The following UBE2Q2 variants were observed in gnomAD, a reference collection of about 807,000 sequenced individuals.
UBE2Q2 encodes ubiquitin conjugating enzyme E2 Q2.
A neutral mutation model predicts 59.9 loss-of-function variants in UBE2Q2; 54 were observed. The ratio of observed to expected loss-of-function variants is 0.90; its 90% CI spans 0.72 to 1.13. The LOEUF (loss-of-function observed/expected upper bound fraction) is 1.13, where lower values mean the gene tolerates loss of function less well. UBE2Q2 is among the 50% of genes most tolerant of loss of function. The probability of loss-of-function intolerance (pLI) is 0.00; values close to 1 mark genes in which losing one functional copy is unlikely to be tolerated. For synonymous variants in UBE2Q2, 165 were observed against 155.2 expected, an observed-to-expected ratio of 1.06 and a Z score of -0.47; for missense variants, 433 against 441.9, an observed-to-expected ratio of 0.98 and a Z score of 0.18.
At position 75,873,416 on chromosome 15, in the gene UBE2Q2, G is replaced by T. The variant is rs368980638; in HGVS notation, c.448-12G>T. 9.6e-6 allele frequency: 15 copies of T among 1,565,760 alleles called. No homozygotes were observed. The highest frequency in any genetic ancestry group is 6.9e-5 in the African/African-American group (5 of 72,092). ...TAGGTTGAATAAGCTAACATTTTTC[G>T]TCTCTTTGTAGGATATAGAAGACTT... On this transcript the variant is annotated splice_polypyrimidine_tract_variant and intron_variant, in intron 4 of 12. Transcript: ENST00000267938.
intron 3 of UBE2Q2, among the ~76,000 whole-genome samples, chr15:75,867,821 T>C (rs1301754944): frequency 6.6e-6 from 1 of 152,162 alleles, no homozygotes; most frequent in Non-Finnish European, 1.5e-5. Flanking sequence ...CCAAACTCTT[T>C]GGGAGTTTTA....
chr15:75,855,179 A>G (rs1453492455), intron 2 of UBE2Q2, among the ~76,000 whole-genome samples: 1 of 152,172 alleles, frequency 6.6e-6, no homozygotes, highest in Non-Finnish European at 1.5e-5. Flanking sequence ...TGGTCTATAT[A>G]GTTTTACATC....
chr15:75,899,688 T>C lies in UBE2Q2; in HGVS notation c.*230T>C. On this transcript the variant is annotated 3_prime_UTR_variant, in exon 13 of 13. Transcript: ENST00000267938. Reference sequence around the variant, plus strand: ...GGGGCCTTTACTGTATTTTTCCTGATAAATACACATACTGGCCACTCCTTA... The same window carrying C: ...GGGGCCTTTACTGTATTTTTCCTGACAAATACACATACTGGCCACTCCTTA... 3.3e-6 allele frequency: 1 copy of C among 299,516 alleles called. No homozygotes were observed. The highest frequency in any genetic ancestry group is 6.2e-6 in the Non-Finnish European group (1 of 162,230). The allele number at this position is 299,516 out of a possible 1,614,324, so 18.6% of individuals were successfully genotyped here.
intron 1 of UBE2Q2, chr15:75,844,330 T>A: frequency 6.5e-7 from 1 of 1,549,750 alleles, no homozygotes; most frequent in Non-Finnish European, 8.7e-7. Context: ...TGTTTTTAAG[T>A]TTGCGTTTAA....
At position 75,880,597 on chromosome 15, in the gene UBE2Q2, G is replaced by A. The variant is rs960950393; in HGVS notation, c.825+1409G>A. On this transcript the variant is annotated intron_variant, in intron 8 of 12. Coordinates refer to ENST00000267938, the MANE Select transcript of UBE2Q2 (RefSeq NM_173469.4). The stretch of plus-strand genomic sequence containing the variant: ...GCTCACTGCAACCTCTGCCTCCCGG[G>A]TTTAAGCAGTTCTCTGCCCCAGCCC... Among the ~76,000 whole-genome samples the A allele has an allele frequency of 2.0e-5, 3 of 152,078 alleles. No individual in the cohort carries two copies. In the South Asian group the frequency reaches 6.2e-4, roughly 32 times the overall value.
At chr15:75,856,269 G>GTGTGTGTGTATATATA (rs1256142539) in intron 2 of UBE2Q2, among the ~76,000 whole-genome samples, 46 of 139,282 alleles carry the variant, frequency 3.3e-4, no homozygotes, top group African/African-American at 1.2e-3. Context: ...GTGTGTGTGT[G>GTGTGTGTGTATATATA]TATATATATA....
At chr15:75,848,450 A>T (rs1896469318) in intron 1 of UBE2Q2, among the ~76,000 whole-genome samples, 1 of 152,252 alleles carries the variant, frequency 6.6e-6, no homozygotes, top group Non-Finnish European at 1.5e-5. Context: ...TGGAAATATC[A>T]GAACTGTCAT....
intron 1 of UBE2Q2, among the ~76,000 whole-genome samples, chr15:75,849,684 G>A (rs1896537567): frequency 6.6e-6 from 1 of 152,130 alleles, no homozygotes; most frequent in African/African-American, 2.4e-5. Flanking sequence ...GTTTATGGTA[G>A]CTTCACAGAC....
At chr15:75,858,777 G>A (rs977234265) in intron 2 of UBE2Q2, among the ~76,000 whole-genome samples, 21 of 152,186 alleles carry the variant, frequency 1.4e-4, no homozygotes, top group Admixed American at 1.2e-3. Flanking sequence ...CACTTAGCAC[G>A]CAATAGAGTG....
chr15:75,857,798 G>C (rs779743732), intron 2 of UBE2Q2, among the ~76,000 whole-genome samples: 4 of 149,964 alleles, frequency 2.7e-5, no homozygotes, highest in Non-Finnish European at 5.9e-5. Context: ...ATAAGAGCAT[G>C]TGCAGATTTC....
At chr15:75,856,243 A>G (rs1305941247) in intron 2 of UBE2Q2, among the ~76,000 whole-genome samples, 1 of 117,938 alleles carries the variant, frequency 8.5e-6, no homozygotes, top group African/African-American at 4.2e-5. Flanking sequence ...ATATGTGTAT[A>G]TACGTGTGTG....
At chr15:75,865,466 A>T (rs1312762744) in intron 3 of UBE2Q2, among the ~76,000 whole-genome samples, 1 of 152,198 alleles carries the variant, frequency 6.6e-6, no homozygotes, top group Non-Finnish European at 1.5e-5. Flanking sequence ...GGAACAGCGA[A>T]TGCTGCTGTG....
chr15:75,867,693 T>C (rs538006044), intron 3 of UBE2Q2, among the ~76,000 whole-genome samples: 1 of 152,338 alleles, frequency 6.6e-6, no homozygotes, highest in South Asian at 2.1e-4. Context: ...GTAACTGGGC[T>C]GATGGTGACA....
intron 4 of UBE2Q2, 102 bp from the exon 5 acceptor site, chr15:75,873,326 T>G: frequency 8.3e-7 from 1 of 1,201,716 alleles, no homozygotes; most frequent in Non-Finnish European, 1.2e-6. Flanking sequence ...ATTTTGTTTC[T>G]TGTTCCTCAT....
At chr15:75,858,928 C>A (rs1017418987) in intron 2 of UBE2Q2, among the ~76,000 whole-genome samples, 1 of 152,198 alleles carries the variant, frequency 6.6e-6, no homozygotes, top group African/African-American at 2.4e-5. Flanking sequence ...TTCTTTGCTT[C>A]GTTAACCCAT....
chr15:75,897,697 T>C (rs763838844), intron 12 of UBE2Q2, among the ~76,000 whole-genome samples: 21 of 151,814 alleles, frequency 1.4e-4, no homozygotes, highest in Non-Finnish European at 2.8e-4. Context: ...GGAGTTCTTG[T>C]TGTTATAACT....
intron 9 of UBE2Q2, 126 bp downstream of exon 9, chr15:75,883,550 C>T (rs2141649358): frequency 3.1e-6 from 2 of 646,562 alleles, no homozygotes; most frequent in South Asian, 1.9e-5. Flanking sequence ...GATCCTCCCA[C>T]CTTGGCCTCC....
intron 3 of UBE2Q2, among the ~76,000 whole-genome samples, chr15:75,865,587 A>C (rs898502292): frequency 1.1e-4 from 17 of 152,184 alleles, no homozygotes; most frequent in African/African-American, 3.9e-4. Context: ...TCTAGGAAAA[A>C]AAAAACTTTT....
rs116538022 is a variant in UBE2Q2, at chr15:75,885,104, C to A, written c.884+1680C>A. Among the ~76,000 whole-genome samples, 1,162 of 152,154 alleles carry A rather than the reference C, an allele frequency of 7.6e-3. 15 individuals carry two copies. Among genetic ancestry groups the A allele is most frequent in the African/African-American group, 0.025 (1,044 of 41,548 alleles). ...CATAGCTCTCAAAATGTTCTGTAAG[C>A]ACTAATAGTAGTGGGGTTTTTTTTT... On this transcript the variant is annotated intron_variant, in intron 9 of 12. Coordinates refer to ENST00000267938, the MANE Select transcript of UBE2Q2 (RefSeq NM_173469.4).
Sources: gnomAD v4.1 joint callset for allele counts (sites outside exome capture counted in the v4.1 genomes callset) on GRCh38, gnomAD v4.1.1 for gene constraint, MANE v1.5 for transcripts, NCBI Gene and HGNC (gene_info 2026-07-23, HGNC 2026-07-21) for gene names.